OSBPL1A: variants seen among roughly 807,000 people sequenced by gnomAD.
OSBPL1A encodes oxysterol-binding protein-related protein 1.
Under a neutral mutation model 137.1 loss-of-function variants are expected in OSBPL1A, and 80 were observed. The observed-to-expected ratio is 0.58, with a 90% CI of 0.49 to 0.70. OSBPL1A has a LOEUF of 0.70. OSBPL1A is among the 30% of genes least tolerant of loss of function. The pLI is 0.00. For synonymous variants in OSBPL1A, 365 were observed against 389.7 expected, an observed-to-expected ratio of 0.94 and a Z score of 0.75; for missense variants, 970 against 1,129.4, an observed-to-expected ratio of 0.86 and a Z score of 2.02.
At chr18:24,294,829 G>A (rs2090260338) in intron 14 of OSBPL1A, among the ~76,000 whole-genome samples, 1 of 152,180 alleles carries the variant, frequency 6.6e-6, no homozygotes. Context: ...GGGCACTTAG[G>A]TTGGTCCCAC....
intron 19 of OSBPL1A, among the ~76,000 whole-genome samples, chr18:24,180,393 C>T (rs1436031064): frequency 6.6e-6 from 1 of 151,796 alleles, no homozygotes; most frequent in Admixed American, 6.6e-5. Flanking sequence ...AATTCCTTGC[C>T]GTCTTTTAAC....
chr18:24,191,197 T>TA (rs1254285139), intron 18 of OSBPL1A, among the ~76,000 whole-genome samples: 1 of 152,232 alleles, frequency 6.6e-6, no homozygotes, highest in Non-Finnish European at 1.5e-5. Flanking sequence ...TTGTGCAAGT[T>TA]AGAGTTTTTC....
chr18:24,394,210 C>T (rs756651259), intron 1 of OSBPL1A, among the ~76,000 whole-genome samples: 1 of 152,056 alleles, frequency 6.6e-6, no homozygotes. Flanking sequence ...TTTACATTAC[C>T]TTCTCTTATT....
chr18:24,322,303 A>G (rs2090879233), intron 7 of OSBPL1A, among the ~76,000 whole-genome samples: 1 of 140,762 alleles, frequency 7.1e-6, no homozygotes. Context: ...TTTTTTTTTT[A>G]GTAGAGATGG....
At chr18:24,384,861 T>A (rs1906839275) in intron 1 of OSBPL1A, among the ~76,000 whole-genome samples, 1 of 140,230 alleles carries the variant, frequency 7.1e-6, no homozygotes, top group Non-Finnish European at 1.5e-5. Context: ...GCGACAAGAG[T>A]GAAACTGTCT....
chr18:24,272,666 A>T (rs912613544), intron 15 of OSBPL1A, among the ~76,000 whole-genome samples: 16 of 152,308 alleles, frequency 1.1e-4, no homozygotes, highest in Admixed American at 1.3e-4. Flanking sequence ...TCACCTTACT[A>T]AAGTGTTTAA....
chr18:24,342,913 T>C (rs1466788227), intron 4 of OSBPL1A, among the ~76,000 whole-genome samples: 1 of 152,106 alleles, frequency 6.6e-6, no homozygotes, highest in Non-Finnish European at 1.5e-5. Flanking sequence ...AAATGGTTTT[T>C]TAAAATATCC....
At chr18:24,199,387 C>T (rs1422305704) in intron 17 of OSBPL1A, among the ~76,000 whole-genome samples, 1 of 152,024 alleles carries the variant, frequency 6.6e-6, no homozygotes, top group Non-Finnish European at 1.5e-5. Context: ...CCAGCTCCCC[C>T]GGCTCCCCCA....
intron 4 of OSBPL1A, among the ~76,000 whole-genome samples, chr18:24,353,859 A>G (rs1380337803): frequency 2.0e-5 from 3 of 146,448 alleles, no homozygotes; most frequent in Non-Finnish European, 4.5e-5. Context: ...ACAGGTGGGA[A>G]TTGAACAATG....
chr18:24,319,687 C>A (rs1599661270), intron 7 of OSBPL1A, among the ~76,000 whole-genome samples: 1 of 151,874 alleles, frequency 6.6e-6, no homozygotes, highest in Non-Finnish European at 1.5e-5. Flanking sequence ...GGTAAAAAAA[C>A]AAACAAACAA....
intron 17 of OSBPL1A, among the ~76,000 whole-genome samples, chr18:24,197,522 G>A (rs1326861175): frequency 6.6e-6 from 1 of 152,102 alleles, no homozygotes; most frequent in East Asian, 1.9e-4. Context: ...AATAATCCAT[G>A]GTGGAATTCT....
In OSBPL1A at chr18:24,366,936, T is replaced by G. The variant is rs372695761; in HGVS notation, c.238A>C (p.Met80Leu). Residue 80 changes from methionine (M) to leucine (L), a missense_variant, in exon 4 of 28, where the codon ATG becomes CTG. Around this residue, in one of 2 missense-constraint regions of OSBPL1A, gnomAD observed 647 missense variants for 672.6 expected, o/e 0.96. Transcript: ENST00000319481. The stretch of plus-strand genomic sequence containing the variant: ...GCTCGATGAAGCGGCGTGTCTCCCA[T>G]GTCATTCAACACATTCACTTCTGCA... Reference protein sequence around the residue: ...AGAEVNVLNDMGDTPLHRAAF... With the variant: ...AGAEVNVLNDLGDTPLHRAAF... 9.3e-6 allele frequency: 15 copies of G among 1,612,798 alleles called. No homozygotes were observed. Among genetic ancestry groups the G allele is most frequent in the East Asian group, 2.2e-5 (1 of 44,824 alleles).
intron 21 of OSBPL1A, 96 bp downstream of exon 21, chr18:24,177,917 C>A: frequency 8.1e-7 from 1 of 1,227,264 alleles, no homozygotes. Context: ...GTTTCTTTTT[C>A]TCCAGCTTTT....
chr18:24,387,058 A>G (rs1177269109), intron 1 of OSBPL1A, among the ~76,000 whole-genome samples: 1 of 152,080 alleles, frequency 6.6e-6, no homozygotes, highest in Non-Finnish European at 1.5e-5. Flanking sequence ...ATATTTCTGA[A>G]ATATGTATTT....
At chr18:24,197,296 G>A (rs947248889) in intron 17 of OSBPL1A, among the ~76,000 whole-genome samples, 5 of 152,112 alleles carry the variant, frequency 3.3e-5, no homozygotes, top group Admixed American at 6.5e-5. Flanking sequence ...GCAGTGAGCC[G>A]AGGTCACGCC....
At chr18:24,266,323 A>G (rs568032889) in intron 15 of OSBPL1A, among the ~76,000 whole-genome samples, 19 of 152,348 alleles carry the variant, frequency 1.2e-4, no homozygotes, top group African/African-American at 4.1e-4. Flanking sequence ...GAGCATCTAA[A>G]GAAAACCAGA....
At chr18:24,180,823 G>A (rs2086587412) in intron 19 of OSBPL1A, among the ~76,000 whole-genome samples, 1 of 152,134 alleles carries the variant, frequency 6.6e-6, no homozygotes, top group African/African-American at 2.4e-5. Context: ...CTTGCCGTGA[G>A]CCGAGATTGC....
At chr18:24,358,138 T>C in intron 4 of OSBPL1A, 1 of 373,662 alleles carries the variant, frequency 2.7e-6, no homozygotes, top group Non-Finnish European at 4.8e-6. Flanking sequence ...CTCAGGTGTG[T>C]CCTGGTATTC....
At chr18:24,368,186 A>T in intron 3 of OSBPL1A, 101 bp downstream of exon 3, 1 of 750,310 alleles carries the variant, frequency 1.3e-6, no homozygotes, top group Non-Finnish European at 2.2e-6. Context: ...TGCTTTAAAT[A>T]AGTCATTATG....
Sources: gnomAD v4.1 joint callset for allele counts (sites outside exome capture counted in the v4.1 genomes callset) on GRCh38, gnomAD v4.1.1 for gene constraint, gnomAD v4.1.1 regional missense constraint, MANE v1.5 for transcripts, NCBI Gene and HGNC (gene_info 2026-07-23, HGNC 2026-07-21) for gene names.